Variants in PDE3A observed in about 807,000 individuals in gnomAD.
The protein encoded by PDE3A is phosphodiesterase 3A.
Under a neutral mutation model 98.3 loss-of-function variants are expected in PDE3A, and 43 were observed. That is an observed-to-expected ratio of 0.44 (90% confidence interval 0.34 to 0.56). The LOEUF is 0.56. Ranked by LOEUF, PDE3A falls within the 20% of genes least tolerant of loss-of-function variation. The probability of loss-of-function intolerance (pLI) is 0.01; values close to 1 mark genes in which losing one functional copy is unlikely to be tolerated. For synonymous variants in PDE3A, 663 were observed against 567.9 expected, an observed-to-expected ratio of 1.17 and a Z score of -2.38; for missense variants, 1,427 against 1,440.7, an observed-to-expected ratio of 0.99 and a Z score of 0.15.
chr12:20,489,005 G>GCAATCAT (rs1945781877), intron 1 of PDE3A, among the ~76,000 whole-genome samples: 1 of 152,080 alleles, frequency 6.6e-6, no homozygotes, highest in Non-Finnish European at 1.5e-5. Flanking sequence ...TAATTCTTCA[G>GCAATCAT]CAATCAACGA....
At chr12:20,555,370 T>C (rs1942344048) in intron 1 of PDE3A, among the ~76,000 whole-genome samples, 1 of 152,186 alleles carries the variant, frequency 6.6e-6, no homozygotes, top group Non-Finnish European at 1.5e-5. Flanking sequence ...AATATTTTGA[T>C]GTATATTTAC....
At chr12:20,478,662 C>T (rs965062331) in intron 1 of PDE3A, among the ~76,000 whole-genome samples, 3 of 152,156 alleles carry the variant, frequency 2.0e-5, no homozygotes, top group Non-Finnish European at 4.4e-5. Flanking sequence ...GGAAATAATG[C>T]TTTTCGTCCA....
chr12:20,411,613 G>A (rs562929912), intron 1 of PDE3A, among the ~76,000 whole-genome samples: 108 of 152,050 alleles, frequency 7.1e-4, no homozygotes, highest in Admixed American at 1.3e-3. Context: ...GTCCTAACAG[G>A]TCTCTGGAGA....
intron 1 of PDE3A, among the ~76,000 whole-genome samples, chr12:20,549,695 C>A (rs535544744): frequency 2.0e-5 from 3 of 152,138 alleles, no homozygotes; most frequent in African/African-American, 4.8e-5. Context: ...AATACTACCA[C>A]ATTCTTGGTC....
chr12:20,540,820 T>C (rs777216863), intron 1 of PDE3A, among the ~76,000 whole-genome samples: 2 of 152,090 alleles, frequency 1.3e-5, no homozygotes, highest in Admixed American at 1.3e-4. Flanking sequence ...TTGTTTGCCA[T>C]GTCACATTCT....
At chr12:20,613,804 T>C in intron 3 of PDE3A, 104 bp downstream of exon 3, 1 of 786,776 alleles carries the variant, frequency 1.3e-6, no homozygotes, top group South Asian at 1.7e-5. Context: ...TTCATATCAG[T>C]GACTCAGGCA....
At chr12:20,668,002 G>A (rs1253017785) in intron 15 of PDE3A, among the ~76,000 whole-genome samples, 1 of 152,160 alleles carries the variant, frequency 6.6e-6, no homozygotes, top group African/African-American at 2.4e-5. Flanking sequence ...CACCGTGCGC[G>A]AGCCAAAGCA....
At position 20,591,852 on chromosome 12, in the gene PDE3A, T is replaced by C. The variant is rs12296681; in HGVS notation, c.1012-21591T>C. Among the ~76,000 whole-genome samples, 804 of 152,326 alleles carry C rather than the reference T, an allele frequency of 5.3e-3. 11 individuals carry two copies. Among genetic ancestry groups the C allele is most frequent in the African/African-American group, 0.018 (764 of 41,582 alleles). ...CAGATTGTAATAATCGTGGTGGCTG[T>C]CCAGTATTTTGTTTTCAAAGTAAGA... On this transcript the variant is annotated intron_variant, in intron 2 of 15. Coordinates refer to ENST00000359062, the MANE Select transcript of PDE3A (RefSeq NM_000921.5).
At chr12:20,537,750 A>G (rs1288626370) in intron 1 of PDE3A, among the ~76,000 whole-genome samples, 1 of 152,034 alleles carries the variant, frequency 6.6e-6, no homozygotes, top group East Asian at 1.9e-4. Context: ...TGAAACAGCT[A>G]TTAAACCCAA....
At position 20,683,158 on chromosome 12, in the gene PDE3A, T is replaced by C. The variant is rs1454024016; in HGVS notation, c.*2887T>C. 1 of 152,162 alleles carries C rather than the reference T, an allele frequency of 6.6e-6. No homozygotes were observed. Among genetic ancestry groups the C allele is most frequent in the Non-Finnish European group, 1.5e-5 (1 of 68,028 alleles). The allele number at this position is 152,162 out of a possible 1,614,324, so 9.4% of individuals were successfully genotyped here. A position where few individuals can be genotyped will look rare whatever the true frequency, so the allele number is the denominator to read the frequency against. On this transcript the variant is annotated 3_prime_UTR_variant, in exon 16 of 16. Transcript: ENST00000359062. ...ATTGGGATAAATAAAGGGATGAAGATCCACTAAGTTTGTGACTTTCATACA... is the reference window on the plus strand; with the variant it reads ...ATTGGGATAAATAAAGGGATGAAGACCCACTAAGTTTGTGACTTTCATACA...
chr12:20,563,489 T>A (rs1191585461), intron 2 of PDE3A, among the ~76,000 whole-genome samples: 1 of 152,210 alleles, frequency 6.6e-6, no homozygotes, highest in East Asian at 1.9e-4. Flanking sequence ...ATTTATGCCC[T>A]AGAGCTAGCT....
At chr12:20,668,513 G>C (rs1181755197) in intron 15 of PDE3A, among the ~76,000 whole-genome samples, 2 of 152,186 alleles carry the variant, frequency 1.3e-5, no homozygotes, top group African/African-American at 2.4e-5. Context: ...AGAACAGGCA[G>C]ACTGCCTCCT....
At chr12:20,481,704 T>C (rs899238206) in intron 1 of PDE3A, among the ~76,000 whole-genome samples, 1 of 151,668 alleles carries the variant, frequency 6.6e-6, no homozygotes, top group Non-Finnish European at 1.5e-5. Flanking sequence ...CCCCAAACTC[T>C]ACAGATTTTC....
chr12:20,673,086 A>G (rs1945534016), intron 15 of PDE3A, among the ~76,000 whole-genome samples: 3 of 151,452 alleles, frequency 2.0e-5, no homozygotes, highest in Non-Finnish European at 4.4e-5. Flanking sequence ...GCAGCCAAAA[A>G]ACACATGAAA....
At chr12:20,564,575 G>A (rs918333609) in intron 2 of PDE3A, among the ~76,000 whole-genome samples, 2 of 152,048 alleles carry the variant, frequency 1.3e-5, no homozygotes, top group African/African-American at 4.8e-5. Flanking sequence ...TAAGTGATTC[G>A]CAGGAGGAAA....
intron 2 of PDE3A, among the ~76,000 whole-genome samples, chr12:20,601,110 A>G (rs1565444696): frequency 6.6e-6 from 1 of 152,208 alleles, no homozygotes. Context: ...ACCATCACAT[A>G]TAGACATACC....
At chr12:20,630,655 C>T (rs1465970793) in intron 6 of PDE3A, among the ~76,000 whole-genome samples, 1 of 152,008 alleles carries the variant, frequency 6.6e-6, no homozygotes, top group Admixed American at 6.6e-5. Flanking sequence ...CATGTTGAAA[C>T]AAAATTACAA....
chr12:20,646,807 A>G lies in PDE3A; in HGVS notation c.2422A>G (p.Asn808Asp), dbSNP rs760620018. The change falls in exon 12 of 16, where the codon AAT becomes GAT. Residue 808 changes from asparagine (N) to aspartate (D), a missense_variant. Physicochemically the swap from Asn to Asp is conservative, Grantham distance 23. Around this residue, in one of 3 missense-constraint regions of PDE3A, gnomAD observed 273 missense variants for 420.3 expected, o/e 0.65. Transcript: ENST00000359062. Reference sequence around the variant, plus strand: ...GGGATATGTATTCTCAAAAACGTATAATGTGACAGATGATAAATACGGATG... The same window carrying G: ...GGGATATGTATTCTCAAAAACGTATGATGTGACAGATGATAAATACGGATG... ...HMGYVFSKTY[N>D]VTDDKYGCLS... is the part of the protein sequence containing the mutation. 1.9e-6 allele frequency: 3 copies of G among 1,611,390 alleles called. No individual in the cohort carries two copies. The South Asian group carries it at 3.3e-5, about 18-fold the overall frequency.
chr12:20,557,163 A>C (rs2121273068), intron 2 of PDE3A: 1 of 161,636 alleles, frequency 6.2e-6, no homozygotes, highest in Admixed American at 6.5e-5. Context: ...AAACAGAAAG[A>C]TGAAAGGACC....
Sources: allele counts gnomAD v4.1 joint callset (sites outside exome capture counted in the v4.1 genomes callset), GRCh38; gene constraint gnomAD v4.1.1; regional missense constraint gnomAD v4.1.1; transcripts MANE v1.5; gene names NCBI Gene and HGNC (gene_info 2026-07-23, HGNC 2026-07-21).